The following NANS variants were observed in gnomAD, a reference collection of about 807,000 sequenced individuals.
The protein encoded by NANS is N-acetylneuraminate-9-phosphate synthase.
A neutral mutation model predicts 33.3 loss-of-function variants in NANS; 29 were observed. The observed-to-expected ratio is 0.87, with a 90% CI of 0.65 to 1.19. NANS has a LOEUF of 1.19. Ranked by LOEUF, NANS falls within the 50% of genes most tolerant of loss-of-function variation. The pLI, the probability that NANS is intolerant of heterozygous loss-of-function variation, is 0.00. For missense variants in NANS, 394 were observed against 461.1 expected (o/e 0.85, Z 1.33); for synonymous variants, 163 against 177.2 (o/e 0.92, Z 0.64).
At chr9:98,071,804 T>C (rs1829347184) in intron 2 of NANS, among the ~76,000 whole-genome samples, 1 of 152,188 alleles carries the variant, frequency 6.6e-6, no homozygotes, top group Non-Finnish European at 1.5e-5. Context: ...TGCACCTGGA[T>C]TGGGGACTTT....
At chr9:98,080,669 A>T in intron 4 of NANS, 147 bp from the exon 5 acceptor site, 1 of 790,092 alleles carries the variant, frequency 1.3e-6, no homozygotes, top group South Asian at 1.9e-5. Flanking sequence ...TCCCTAGGAA[A>T]GAGAGGCTCA....
chr9:98,079,741 C>T (rs1829767450), intron 4 of NANS, among the ~76,000 whole-genome samples: 2 of 152,204 alleles, frequency 1.3e-5, no homozygotes, highest in Admixed American at 1.3e-4. Flanking sequence ...AAGGTGCTGT[C>T]ATGTCCTCTC....
intron 3 of NANS, among the ~76,000 whole-genome samples, chr9:98,077,683 A>G (rs2117957213): frequency 6.6e-6 from 1 of 152,280 alleles, no homozygotes; most frequent in South Asian, 2.1e-4. Context: ...TGGTTTTACA[A>G]CATGAACAAT....
intron 3 of NANS, 135 bp from the exon 4 acceptor site, chr9:98,078,058 A>G (rs1829669564): frequency 1.5e-6 from 2 of 1,334,492 alleles, no homozygotes; most frequent in African/African-American, 1.5e-5. Context: ...CTGTTCCCCC[A>G]CAGGGGCTGG....
chr9:98,073,270 G>GC (rs1564161438), intron 2 of NANS, among the ~76,000 whole-genome samples: 17 of 105,000 alleles, frequency 1.6e-4, no homozygotes, highest in South Asian at 3.2e-4. Context: ...ATCACCATGG[G>GC]CTTTTTTTTT....
chr9:98,072,781 T>C (rs762856992), intron 2 of NANS, among the ~76,000 whole-genome samples: 1 of 152,174 alleles, frequency 6.6e-6, no homozygotes, highest in Non-Finnish European at 1.5e-5. Flanking sequence ...TGGAGGTAGA[T>C]TGGTTCCTTG....
rs1828958224 is a variant in NANS, at chr9:98,060,997, G to C, written c.348G>C (p.Glu116Asp). 1 of 1,613,248 alleles carries C rather than the reference G, an allele frequency of 6.2e-7. No homozygotes were observed. The highest frequency in any genetic ancestry group is 1.3e-5 in the African/African-American group (1 of 74,890). The change falls in exon 2 of 6, where the codon GAG becomes GAC. Residue 116 changes from glutamate to aspartate, a missense_variant and splice_region_variant. Glu to Asp is a conservative substitution (Grantham distance 45). Transcript: ENST00000210444. ...GIFFTASGMDEMAVEFLHELN... is the reference protein window; with the variant it reads ...GIFFTASGMDDMAVEFLHELN... ...TCTTCACTGCCTCTGGCATGGATGA[G>C]GTGAGTCCTCTGCTGCTCTGTCATT...
intron 4 of NANS, 26 bp from the exon 5 acceptor site, chr9:98,080,790 G>T (rs1829818430): frequency 6.5e-7 from 1 of 1,548,970 alleles, no homozygotes; most frequent in South Asian, 1.2e-5. Flanking sequence ...GATATTTAAT[G>T]TTATTTTTCT....
chr9:98,078,897 C>T (rs1223682882), intron 4 of NANS, among the ~76,000 whole-genome samples: 2 of 150,834 alleles, frequency 1.3e-5, no homozygotes, highest in African/African-American at 2.4e-5. Context: ...TACCTTTTGG[C>T]TATTGTGAAT....
chr9:98,066,799 C>T (rs891767555), intron 2 of NANS, among the ~76,000 whole-genome samples: 13 of 152,190 alleles, frequency 8.5e-5, no homozygotes, highest in African/African-American at 2.4e-4. Context: ...TGCAGTCATG[C>T]ACCACCCTGC....
Position 98,083,061 on chromosome 9 carries a change from A to C in NANS, c.*6A>C. ...GCAAAAAAATCAAGTCTTAAAAATAAAGTGCCATTCTCTGAATTCTCAGTT... is the reference window on the plus strand; with the variant it reads ...GCAAAAAAATCAAGTCTTAAAAATACAGTGCCATTCTCTGAATTCTCAGTT... On this transcript the variant is annotated 3_prime_UTR_variant, in exon 6 of 6. Coordinates refer to ENST00000210444, the MANE Select transcript of NANS (RefSeq NM_018946.4). 2 of 1,613,444 alleles carry C rather than the reference A, an allele frequency of 1.2e-6. No individual in the cohort carries two copies. Among genetic ancestry groups the C allele is most frequent in the Non-Finnish European group, 1.7e-6 (2 of 1,179,492 alleles).
chr9:98,056,957 C>T lies in NANS; in HGVS notation c.132+17C>T. 6.4e-7 allele frequency: 1 copy of T among 1,561,320 alleles called. No individual in the cohort carries two copies. Among genetic ancestry groups the T allele is most frequent in the South Asian group, 1.2e-5 (1 of 85,570 alleles). On this transcript the variant is annotated intron_variant, in intron 1 of 5. Coordinates refer to ENST00000210444, the MANE Select transcript of NANS (RefSeq NM_018946.4). ...ATGGCCAAGGTGAGGCGGCAGCTCC[C>T]GGGACCCGGGATTCGGGCGCCGGGA...
Position 98,060,819 on chromosome 9 carries a change from AG to A in NANS, c.171del (p.Glu57AspfsTer2). The A allele has an allele frequency of 6.2e-7, 1 of 1,614,198 alleles. No homozygotes were observed. The highest frequency in any genetic ancestry group is 8.5e-7 in the Non-Finnish European group (1 of 1,180,040). Reference sequence around the variant, plus strand: ...GATTGTGCTAAGTTCCAGAAGAGTGAGCTAGAATTCAAGTTTAATCGGAAAG... The same window carrying A: ...GATTGTGCTAAGTTCCAGAAGAGTGACTAGAATTCAAGTTTAATCGGAAAG... ...GADCAKFQKS[E>X]LEFKFNRKAL... On this transcript the variant is annotated frameshift_variant, in exon 2 of 6. Transcript: ENST00000210444. LOFTEE classifies it high-confidence loss of function.
intron 3 of NANS, among the ~76,000 whole-genome samples, chr9:98,077,228 G>A (rs1285608084): frequency 6.6e-6 from 1 of 151,938 alleles, no homozygotes; most frequent in Non-Finnish European, 1.5e-5. Context: ...CTCCCAAAGT[G>A]CTAGGATTAC....
rs1264488106 is a variant in NANS, at chr9:98,068,294, C to G, written c.348+7297C>G. 2.0e-5 allele frequency among the ~76,000 whole-genome samples: 3 copies of G among 151,980 alleles called. No homozygotes were observed. The East Asian group carries it at 5.8e-4, about 29-fold the overall frequency. On this transcript the variant is annotated intron_variant, in intron 2 of 5. Coordinates refer to ENST00000210444, the MANE Select transcript of NANS (RefSeq NM_018946.4). ...GGATTACAGGCGCACACCACCATGC[C>G]CAGCTAATTTTTTTTTGTATCTCTT... is the stretch of plus-strand genomic sequence containing the variant.
intron 3 of NANS, 145 bp from the exon 4 acceptor site, chr9:98,078,048 C>T: frequency 2.4e-6 from 3 of 1,231,464 alleles, no homozygotes; most frequent in Non-Finnish European, 3.4e-6. Flanking sequence ...AAGCTCCTCT[C>T]TGTTCCCCCA....
chr9:98,067,523 C>A (rs1355151655), intron 2 of NANS, among the ~76,000 whole-genome samples: 2 of 151,568 alleles, frequency 1.3e-5, no homozygotes, highest in African/African-American at 4.8e-5. Flanking sequence ...ATCTGCATAT[C>A]TTCTTTGGAA....
At chr9:98,074,254 C>T (rs1405733624) in intron 2 of NANS, among the ~76,000 whole-genome samples, 1 of 152,096 alleles carries the variant, frequency 6.6e-6, no homozygotes, top group Non-Finnish European at 1.5e-5. Flanking sequence ...GCTGGGAGCC[C>T]GAGGAGAGTT....
chr9:98,074,417 G>A (rs2117896182), intron 2 of NANS, among the ~76,000 whole-genome samples: 1 of 152,284 alleles, frequency 6.6e-6, no homozygotes, highest in East Asian at 1.9e-4. Context: ...AGGAGTCCCT[G>A]AAGAGAAAGG....
Sources: gnomAD v4.1 joint callset for allele counts (sites outside exome capture counted in the v4.1 genomes callset) on GRCh38, gnomAD v4.1.1 for gene constraint, MANE v1.5 for transcripts, NCBI Gene and HGNC (gene_info 2026-07-23, HGNC 2026-07-21) for gene names.